EML4: variants seen among roughly 807,000 people sequenced by gnomAD.
EML4 encodes EMAP like 4, also known as echinoderm microtubule-associated protein-like 4.
A neutral mutation model predicts 129.0 loss-of-function variants in EML4; 72 were observed. That is an observed-to-expected ratio of 0.56 (90% CI 0.46 to 0.68). EML4 has a LOEUF of 0.68. EML4 is among the 30% of genes least tolerant of loss of function. The pLI is 0.00. For synonymous variants in EML4, 532 were observed against 405.0 expected (o/e 1.31, Z -3.77); for missense variants, 1,363 against 1,190.6 (o/e 1.14, Z -2.13).
intron 20 of EML4, 99 bp from the exon 21 acceptor site, chr2:42,326,055 A>G: frequency 6.7e-7 from 1 of 1,492,114 alleles, no homozygotes; most frequent in Middle Eastern, 1.8e-4. Context: ...TGTATGGATT[A>G]TAAATACAAG....
At chr2:42,293,294 G>A (rs577479049) in intron 11 of EML4, among the ~76,000 whole-genome samples, 2 of 151,942 alleles carry the variant, frequency 1.3e-5, no homozygotes, top group Non-Finnish European at 2.9e-5. Context: ...TGTAGAGACA[G>A]GTCTCACTAT....
chr2:42,208,465 ATC>A (rs1672691100), intron 1 of EML4, among the ~76,000 whole-genome samples: 1 of 148,998 alleles, frequency 6.7e-6, no homozygotes, highest in Non-Finnish European at 1.5e-5. Flanking sequence ...TTGAGACAGA[ATC>A]TCTGTCGCCC....
Position 42,326,153 on chromosome 2 carries a change from G to A in EML4, c.2243-1G>A. 1 of 1,612,924 alleles carries A rather than the reference G, an allele frequency of 6.2e-7. No homozygotes were observed. Among genetic ancestry groups the A allele is most frequent in the Non-Finnish European group, 8.5e-7 (1 of 1,179,530 alleles). ...TATACTTCCTGTTTCTAAATTTAAAGGGGACATTCCAAATGGCTGCAAACT... is the reference window on the plus strand; with the variant it reads ...TATACTTCCTGTTTCTAAATTTAAAAGGGACATTCCAAATGGCTGCAAACT... On this transcript the variant is annotated splice_acceptor_variant, in intron 20 of 22. Coordinates refer to ENST00000318522, the MANE Select transcript of EML4 (RefSeq NM_019063.5). LOFTEE classifies it high-confidence loss of function.
At chr2:42,294,447 G>T (rs770332211) in intron 11 of EML4, among the ~76,000 whole-genome samples, 2 of 152,210 alleles carry the variant, frequency 1.3e-5, no homozygotes, top group African/African-American at 2.4e-5. Flanking sequence ...TGTAATCCCA[G>T]CCCTTTGGGA....
chr2:42,304,359 T>C (rs964094617), intron 16 of EML4, 125 bp from the exon 17 acceptor site: 165 of 699,266 alleles, frequency 2.4e-4, no homozygotes, highest in Non-Finnish European at 6.9e-5. Flanking sequence ...GTATTTCTCA[T>C]TAGCTACAAA....
intron 9 of EML4, among the ~76,000 whole-genome samples, chr2:42,285,443 C>T (rs927097148): frequency 1.3e-5 from 2 of 152,076 alleles, no homozygotes; most frequent in African/African-American, 4.8e-5. Context: ...AAGACCCCTT[C>T]CAGTTTCAAA....
In EML4 at chr2:42,262,535, T is replaced by C. The variant is rs542408092; in HGVS notation, c.513-643T>C. Among the ~76,000 whole-genome samples the C allele has an allele frequency of 3.9e-5, 6 of 152,322 alleles. No homozygotes were observed. The East Asian group carries it at 1.2e-3, about 29-fold the overall frequency. On this transcript the variant is annotated intron_variant, in intron 4 of 22. Coordinates refer to ENST00000318522, the MANE Select transcript of EML4 (RefSeq NM_019063.5). ...TTGCCCTCCTAAATTGCTCTTTGGA[T>C]ATACTGTTGCAAGAAGTATTGGAGA...
At chr2:42,244,591 AAG>A (rs1361024140) in intron 1 of EML4, among the ~76,000 whole-genome samples, 2 of 152,112 alleles carry the variant, frequency 1.3e-5, no homozygotes, top group Non-Finnish European at 2.9e-5. Context: ...ACCTTTTTTT[AAG>A]AGAGGTTGTG....
chr2:42,225,500 T>A (rs1673901642), intron 1 of EML4, among the ~76,000 whole-genome samples: 1 of 152,174 alleles, frequency 6.6e-6, no homozygotes, highest in Non-Finnish European at 1.5e-5. Context: ...CCAAGTATAT[T>A]TTCACATTTA....
chr2:42,263,355 G>T, intron 5 of EML4, 49 bp downstream of exon 5: 2 of 1,394,774 alleles, frequency 1.4e-6, no homozygotes, highest in Non-Finnish European at 2.0e-6. Context: ...TAATTATTTG[G>T]CTATTATGTT....
chr2:42,171,762 G>T (rs1670294994), intron 1 of EML4, among the ~76,000 whole-genome samples: 1 of 152,162 alleles, frequency 6.6e-6, no homozygotes, highest in Non-Finnish European at 1.5e-5. Flanking sequence ...TTCTGGAGCT[G>T]TTCTTGATGA....
At chr2:42,278,748 A>T (rs1177281410) in intron 6 of EML4, among the ~76,000 whole-genome samples, 3 of 152,052 alleles carry the variant, frequency 2.0e-5, no homozygotes, top group African/African-American at 7.2e-5. Flanking sequence ...AGCCTGACCA[A>T]CATGGTGAAA....
At chr2:42,286,188 T>A (rs1264497905) in intron 9 of EML4, 81 bp from the exon 10 acceptor site, 6 of 828,974 alleles carry the variant, frequency 7.2e-6, no homozygotes, top group South Asian at 1.3e-5. Flanking sequence ...ATTACTTTTT[T>A]AAATGGCATT....
At chr2:42,300,724 C>G (rs1258881704) in intron 13 of EML4, among the ~76,000 whole-genome samples, 2 of 152,202 alleles carry the variant, frequency 1.3e-5, no homozygotes. Context: ...AACGTTGTGA[C>G]TGTTACCTCA....
intron 14 of EML4, among the ~76,000 whole-genome samples, chr2:42,302,196 T>A (rs1334518388): frequency 6.6e-6 from 1 of 152,150 alleles, no homozygotes; most frequent in Non-Finnish European, 1.5e-5. Flanking sequence ...TACAGAGAAC[T>A]TCCACATTAC....
At chr2:42,217,783 C>G (rs552297171) in intron 1 of EML4, among the ~76,000 whole-genome samples, 2 of 152,236 alleles carry the variant, frequency 1.3e-5, no homozygotes, top group Admixed American at 1.3e-4. Context: ...ATCTGTCAAC[C>G]AATATTATAA....
At chr2:42,238,843 G>A (rs1426962421) in intron 1 of EML4, among the ~76,000 whole-genome samples, 1 of 152,170 alleles carries the variant, frequency 6.6e-6, no homozygotes, top group Non-Finnish European at 1.5e-5. Context: ...GAGTGCAGTG[G>A]CACAGTCATG....
At chr2:42,176,679 C>G (rs547676047) in intron 1 of EML4, among the ~76,000 whole-genome samples, 19 of 152,190 alleles carry the variant, frequency 1.2e-4, no homozygotes, top group Non-Finnish European at 2.8e-4. Context: ...GATAGGACCA[C>G]TCTTGGGGTA....
chr2:42,182,462 C>G (rs1174409185), intron 1 of EML4, among the ~76,000 whole-genome samples: 2 of 151,952 alleles, frequency 1.3e-5, no homozygotes, highest in African/African-American at 4.8e-5. Context: ...TTGTTGATAC[C>G]CTGCACTAAA....
Sources: allele counts gnomAD v4.1 joint callset (sites outside exome capture counted in the v4.1 genomes callset), GRCh38; gene constraint gnomAD v4.1.1; transcripts MANE v1.5; gene names NCBI Gene and HGNC (gene_info 2026-07-23, HGNC 2026-07-21).